ATP2A1: variants seen among roughly 807,000 people sequenced by gnomAD.
The protein encoded by ATP2A1 is sarcoplasmic/endoplasmic reticulum calcium ATPase 1.
Under a neutral mutation model 109.5 loss-of-function variants are expected in ATP2A1, and 83 were observed. The observed-to-expected ratio is 0.76, with a 90% CI of 0.63 to 0.91. ATP2A1 has a LOEUF of 0.91. Among genes scored for constraint, ATP2A1 ranks in the 40% least tolerant of loss-of-function variants. The probability of loss-of-function intolerance (pLI) is 0.00; values close to 1 mark genes in which losing one functional copy is unlikely to be tolerated. For missense variants in ATP2A1, 1,101 were observed against 1,341.0 expected (o/e 0.82, Z 2.80); for synonymous variants, 505 against 537.6 (o/e 0.94, Z 0.84).
rs539138239 is a variant in ATP2A1 at position 28,881,044 on chromosome 16, C to T, written c.324+25C>T. 1.1e-5 allele frequency: 18 copies of T among 1,602,722 alleles called. No homozygotes were observed. In the African/African-American group the frequency reaches 2.3e-4, roughly 20 times the overall value. ...GGTTAGCGTTGACCCTTCCTTACCCCTTCATGTCCCAACAGTGAAGAAGAG... is the reference window on the plus strand; with the variant it reads ...GGTTAGCGTTGACCCTTCCTTACCCTTTCATGTCCCAACAGTGAAGAAGAG... On this transcript the variant is annotated intron_variant, in intron 4 of 22. Transcript: ENST00000395503.
chr16:28,879,323 C>G (rs1963380456), intron 2 of ATP2A1, 178 bp from the exon 3 acceptor site: 2 of 837,586 alleles, frequency 2.4e-6, no homozygotes, highest in East Asian at 2.6e-5. Flanking sequence ...AACTGCCCCC[C>G]ACTTTGCCGA....
At chr16:28,882,192 C>T (rs936503248) in intron 4 of ATP2A1, among the ~76,000 whole-genome samples, 2 of 140,918 alleles carry the variant, frequency 1.4e-5, no homozygotes, top group African/African-American at 5.4e-5. Context: ...CTCCTGACTT[C>T]AAGTGATCCG....
In ATP2A1 at chr16:28,903,105, C is replaced by T. The variant is rs1343867187; in HGVS notation, c.2820C>T (p.Ser940=). The part of the protein sequence containing the change: ...NIWLLGSICL[S]MSLHFLILYV... ...GGCTGCTGGGCTCCATCTGCCTCTC[C>T]ATGTCCCTGCACTTCCTCATCCTCT... Residue 940 remains serine, a synonymous_variant, in exon 20 of 23, where the codon TCC becomes TCT. Coordinates refer to ENST00000395503, the MANE Select transcript of ATP2A1 (RefSeq NM_004320.6). This position sits in a 1 kb window ranked among gnomAD's most constrained non-coding sequence, Gnocchi z 5.6. The T allele has an allele frequency of 1.2e-6, 2 of 1,613,742 alleles. No individual in the cohort carries two copies. Among genetic ancestry groups the T allele is most frequent in the Admixed American group, 1.7e-5 (1 of 60,000 alleles).
rs1555514404 is a variant in ATP2A1 at position 28,878,665 on chromosome 16, G to A, written c.-7G>A. On this transcript the variant is annotated 5_prime_UTR_variant, in exon 1 of 23. Coordinates refer to ENST00000395503, the MANE Select transcript of ATP2A1 (RefSeq NM_004320.6). ...ACACCGGCCCCGGCCCCCAGGAAGG[G>A]AGCACAATGGAGGCCGCTCATGCTA... 4.4e-6 allele frequency: 7 copies of A among 1,592,166 alleles called. No individual in the cohort carries two copies. In the East Asian group the frequency reaches 1.4e-4, roughly 31 times the overall value.
Position 28,888,941 on chromosome 16 carries a change from G to A in ATP2A1, c.1083G>A (p.Met361Ile), listed in dbSNP as rs1457630985. Residue 361 changes from methionine to isoleucine, a missense_variant, in exon 9 of 23, where the codon ATG becomes ATA. Physicochemically the swap from Met to Ile is conservative, Grantham distance 10 (BLOSUM62 1). Coordinates refer to ENST00000395503, the MANE Select transcript of ATP2A1 (RefSeq NM_004320.6). Reference sequence around the variant, plus strand: ...CAGGCACCCTCACCACCAACCAGATGTCTGTCTGCAAGGTCAGGAGCAGTG... The same window carrying A: ...CAGGCACCCTCACCACCAACCAGATATCTGTCTGCAAGGTCAGGAGCAGTG... ...DKTGTLTTNQ[M>I]SVCKMFIIDK... 6.2e-7 allele frequency: 1 copy of A among 1,614,152 alleles called. No individual in the cohort carries two copies. The highest frequency in any genetic ancestry group is 8.5e-7 in the Non-Finnish European group (1 of 1,180,022).
Position 28,880,878 on chromosome 16 carries a change from C to T in ATP2A1, c.220-37C>T, listed in dbSNP as rs1330085939. 1.9e-6 allele frequency: 3 copies of T among 1,580,384 alleles called. No homozygotes were observed. The highest frequency in any genetic ancestry group is 2.6e-6 in the Non-Finnish European group (3 of 1,149,390). On this transcript the variant is annotated intron_variant, in intron 3 of 22. Transcript: ENST00000395503. The surrounding 1 kb of genome is among the most constrained non-coding windows in gnomAD (Gnocchi z 4.2). Reference sequence around the variant, plus strand: ...TTCCTTTCTCCATCTGTTTTGGGGCCTCATTACCTGTCATTCTCCTTTCCC... The same window carrying T: ...TTCCTTTCTCCATCTGTTTTGGGGCTTCATTACCTGTCATTCTCCTTTCCC...
intron 9 of ATP2A1, among the ~76,000 whole-genome samples, chr16:28,892,066 G>A (rs1285338594): frequency 2.0e-5 from 3 of 152,106 alleles, no homozygotes; most frequent in African/African-American, 7.2e-5. Flanking sequence ...CTCGCAGTGG[G>A]TCTAAGCACT....
At position 28,904,455 on chromosome 16, in the gene ATP2A1, C is replaced by T. The variant is rs1446820492; in HGVS notation, c.*313C>T. 1.4e-5 allele frequency: 21 copies of T among 1,521,598 alleles called. No individual in the cohort carries two copies. The highest frequency in any genetic ancestry group is 3.6e-5 in the South Asian group (3 of 83,076). The allele number at this position is 1,521,598 out of a possible 1,614,324, so 94.3% of individuals were successfully genotyped here. A position where few individuals can be genotyped will look rare whatever the true frequency, so the allele number is the denominator to read the frequency against. On this transcript the variant is annotated 3_prime_UTR_variant, in exon 23 of 23. Transcript: ENST00000395503. ...CTGCTTATTTATTGAAAATAAACGA[C>T]GGAAAAGTCTGGCCTTGCCTCTGTG...
chr16:28,882,984 C>G (rs1436436841), intron 5 of ATP2A1, among the ~76,000 whole-genome samples: 2 of 152,192 alleles, frequency 1.3e-5, no homozygotes, highest in Admixed American at 1.3e-4. Flanking sequence ...GCCCTTGAGG[C>G]CTCTCAAAGG....
rs1555515768 is a variant in ATP2A1 at position 28,888,964 on chromosome 16, G to C, written c.1095+11G>C. On this transcript the variant is annotated intron_variant, in intron 9 of 22. Coordinates refer to ENST00000395503, the MANE Select transcript of ATP2A1 (RefSeq NM_004320.6). Reference sequence around the variant, plus strand: ...ATGTCTGTCTGCAAGGTCAGGAGCAGTGTGGGCAGCGCGCTCAGTCAGAAG... The same window carrying C: ...ATGTCTGTCTGCAAGGTCAGGAGCACTGTGGGCAGCGCGCTCAGTCAGAAG... 1 of 1,614,078 alleles carries C rather than the reference G, an allele frequency of 6.2e-7. No homozygotes were observed.
intron 22 of ATP2A1, 65 bp from the exon 23 acceptor site, chr16:28,904,115 T>C: frequency 7.0e-7 from 1 of 1,438,786 alleles, no homozygotes; most frequent in Non-Finnish European, 9.8e-7. Context: ...GCCTGGGAGA[T>C]GCACCTGGGA....
chr16:28,895,089 C>G, intron 12 of ATP2A1, 136 bp downstream of exon 12: 1 of 1,313,038 alleles, frequency 7.6e-7, no homozygotes, highest in East Asian at 2.4e-5. Context: ...GCCCCTGCAG[C>G]TTCTCCACAG....
Position 28,902,102 on chromosome 16 carries a change from G to A in ATP2A1, c.2321+19G>A, listed in dbSNP as rs375528300. 17 of 1,613,962 alleles carry A rather than the reference G, an allele frequency of 1.1e-5. No individual in the cohort carries two copies. The highest frequency in any genetic ancestry group is 2.7e-5 in the African/African-American group (2 of 74,942). On this transcript the variant is annotated intron_variant, in intron 16 of 22. Transcript: ENST00000395503. This position sits in a 1 kb window ranked among gnomAD's most constrained non-coding sequence, Gnocchi z 4.8. ...TGGTCTGGTGAGCAGCTGGGTGGGC[G>A]TCCAGGAGGAAGCCGGGGTTAGGGT...
rs369864398 is a variant in ATP2A1, at chr16:28,903,462, C to G, written c.2980+22C>G. ...GAGGGTAAGGAGTGCCCTCTCTGTC[C>G]CAAGCCCTGGCCCCACCACAGCCCC... On this transcript the variant is annotated intron_variant, in intron 21 of 22. Coordinates refer to ENST00000395503, the MANE Select transcript of ATP2A1 (RefSeq NM_004320.6). The surrounding 1 kb of genome is among the most constrained non-coding windows in gnomAD (Gnocchi z 5.6). 2 of 1,596,130 alleles carry G rather than the reference C, an allele frequency of 1.3e-6. No homozygotes were observed. Among genetic ancestry groups the G allele is most frequent in the Admixed American group, 3.3e-5 (2 of 59,976 alleles).
At chr16:28,899,468 AT>A (rs1964003897) in intron 14 of ATP2A1, among the ~76,000 whole-genome samples, 1 of 151,736 alleles carries the variant, frequency 6.6e-6, no homozygotes, top group Admixed American at 6.6e-5. Flanking sequence ...GTGAAACTCC[AT>A]CTCTACTAAA....
chr16:28,900,404 C>T (rs1964038231), intron 14 of ATP2A1, among the ~76,000 whole-genome samples, 177 bp from the exon 15 acceptor site: 1 of 152,112 alleles, frequency 6.6e-6, no homozygotes, highest in Non-Finnish European at 1.5e-5. Context: ...CTCTGAGCTT[C>T]CAAGGCCCCA....
At chr16:28,882,903 C>T (rs555397028) in intron 5 of ATP2A1, among the ~76,000 whole-genome samples, 1 of 152,240 alleles carries the variant, frequency 6.6e-6, no homozygotes, top group Non-Finnish European at 1.5e-5. Context: ...TCTCCACCCC[C>T]TCCCGGGCCT....
Position 28,903,911 on chromosome 16 carries a change from G to A in ATP2A1, c.*37+170G>A. On this transcript the variant is annotated intron_variant, in intron 22 of 22. Transcript: ENST00000395503. This position sits in a 1 kb window ranked among gnomAD's most constrained non-coding sequence, Gnocchi z 5.6. ...AGGGTGGGCCGCTGGCCTCCCACTGGGCGTCAGTTTGGCTCCCAGGCCCTG... is the reference window on the plus strand; with the variant it reads ...AGGGTGGGCCGCTGGCCTCCCACTGAGCGTCAGTTTGGCTCCCAGGCCCTG... 1 of 780,358 alleles carries A rather than the reference G, an allele frequency of 1.3e-6. No individual in the cohort carries two copies. The highest frequency in any genetic ancestry group is 1.9e-5 in the Admixed American group (1 of 52,864). The allele number at this position is 780,358 out of a possible 1,614,324, so 48.3% of individuals were successfully genotyped here.
chr16:28,902,996 C>T lies in ATP2A1; in HGVS notation c.2745-34C>T, dbSNP rs1245033457. ...CTGTGCCGCCCACCTCCTTCCTCCT[C>T]ACTGTGCCTTCTCCCTCCCCTTCCC... On this transcript the variant is annotated intron_variant, in intron 19 of 22. Transcript: ENST00000395503. The surrounding 1 kb of genome is among the most constrained non-coding windows in gnomAD (Gnocchi z 4.8). 6.2e-7 allele frequency: 1 copy of T among 1,613,346 alleles called. No homozygotes were observed. The highest frequency in any genetic ancestry group is 2.2e-5 in the East Asian group (1 of 44,876).
Sources: gnomAD v4.1 joint callset for allele counts (sites outside exome capture counted in the v4.1 genomes callset) on GRCh38, gnomAD v4.1.1 for gene constraint, Gnocchi (gnomAD v3.1) non-coding constraint, MANE v1.5 for transcripts, NCBI Gene and HGNC (gene_info 2026-07-23, HGNC 2026-07-21) for gene names.